Variants in PKP4 observed in about 807,000 individuals in gnomAD.
The protein encoded by PKP4 is plakophilin-4.
A neutral mutation model predicts 145.1 loss-of-function variants in PKP4; 90 were observed. The observed-to-expected ratio is 0.62, with a 90% confidence interval of 0.52 to 0.74. PKP4 has a LOEUF of 0.74. PKP4 is among the 30% of genes least tolerant of loss of function. The pLI is 0.00. For missense variants in PKP4, 1,340 were observed against 1,482.7 expected, an observed-to-expected ratio of 0.90 and a Z score of 1.58; for synonymous variants, 563 against 577.2, an observed-to-expected ratio of 0.98 and a Z score of 0.35.
rs751675720 is a variant in PKP4, at chr2:158,661,381, C to G, written c.2142C>G (p.Cys714Trp). 5.0e-6 allele frequency: 8 copies of G among 1,613,742 alleles called. No homozygotes were observed. The highest frequency in any genetic ancestry group is 1.3e-5 in the African/African-American group (1 of 74,924). ...AAGCTCGGAAGCAAATGCGGTCCTG[C>G]GAGGGGCTGGTAGACTCACTGTTGT... ...GEEARKQMRS[C>W]EGLVDSLLYV... The change falls in exon 13 of 22, where the codon TGC becomes TGG. Residue 714 changes from cysteine to tryptophan, a missense_variant. By Grantham distance (215) the Cys-to-Trp change is radical (BLOSUM62 -2). Transcript: ENST00000389759.
At chr2:158,677,230 G>A in intron 20 of PKP4, 1 of 328,932 alleles carries the variant, frequency 3.0e-6, no homozygotes, top group South Asian at 2.6e-5. Context: ...TCAGCCCAGT[G>A]TCACTTTGCA....
chr2:158,563,142 A>T (rs184318672), intron 2 of PKP4, among the ~76,000 whole-genome samples: 35 of 152,310 alleles, frequency 2.3e-4, no homozygotes, highest in African/African-American at 7.2e-4. Flanking sequence ...CATGAAAATT[A>T]ATTCTTAAAA....
intron 4 of PKP4, among the ~76,000 whole-genome samples, chr2:158,619,027 G>A (rs565303801): frequency 6.6e-6 from 1 of 152,268 alleles, no homozygotes; most frequent in South Asian, 2.1e-4. Context: ...TTTCTTGCTA[G>A]TTCGTATTTG....
chr2:158,565,453 C>G (rs1311845927), intron 2 of PKP4, among the ~76,000 whole-genome samples: 8 of 58,130 alleles, frequency 1.4e-4, no homozygotes, highest in Non-Finnish European at 2.7e-4. Context: ...TTTTTTTTTC[C>G]TTTTCTGCCC....
intron 4 of PKP4, among the ~76,000 whole-genome samples, chr2:158,609,235 T>A (rs956694726): frequency 2.0e-5 from 3 of 152,212 alleles, no homozygotes; most frequent in African/African-American, 7.2e-5. Flanking sequence ...TTGTTTTTTT[T>A]CTTTGCTGCT....
chr2:158,678,915 C>A, intron 21 of PKP4: 2 of 520,034 alleles, frequency 3.8e-6, no homozygotes, highest in Non-Finnish European at 7.0e-6. Context: ...TAGTTCATGT[C>A]TTTTGCCCAG....
intron 7 of PKP4, among the ~76,000 whole-genome samples, chr2:158,627,951 AATT>A (rs2052970255): frequency 6.6e-6 from 1 of 151,388 alleles, no homozygotes; most frequent in Non-Finnish European, 1.5e-5. Context: ...CTTCTGAAAA[AATT>A]ATTTTTTATT....
intron 2 of PKP4, among the ~76,000 whole-genome samples, chr2:158,534,512 G>A (rs572967517): frequency 5.9e-5 from 9 of 152,054 alleles, no homozygotes; most frequent in Non-Finnish European, 1.2e-4. Flanking sequence ...TTATCTTTAG[G>A]AGAGAAAAAA....
chr2:158,526,117 C>T (rs1358104873), intron 1 of PKP4, among the ~76,000 whole-genome samples: 1 of 149,748 alleles, frequency 6.7e-6, no homozygotes, highest in Non-Finnish European at 1.5e-5. Flanking sequence ...AGAGGGAATC[C>T]TCCCTAACTC....
chr2:158,529,357 ACTTT>A (rs2043301810), intron 1 of PKP4, among the ~76,000 whole-genome samples: 1 of 152,148 alleles, frequency 6.6e-6, no homozygotes, highest in Non-Finnish European at 1.5e-5. Flanking sequence ...TTCAGGTCAA[ACTTT>A]CTTTTCTTGT....
At chr2:158,525,802 A>C (rs879780386) in intron 1 of PKP4, among the ~76,000 whole-genome samples, 9,132 of 144,242 alleles carry the variant, frequency 0.063, 576 homozygotes, top group African/African-American at 0.16. Flanking sequence ...TAAAGGGGAT[A>C]TCACCACCGA....
intron 11 of PKP4, among the ~76,000 whole-genome samples, chr2:158,650,038 C>A (rs963347272): frequency 6.6e-6 from 1 of 152,208 alleles, no homozygotes; most frequent in Non-Finnish European, 1.5e-5. Flanking sequence ...TTGGGCAAAT[C>A]TCTATGATAG....
chr2:158,583,420 T>C (rs1275481175), intron 3 of PKP4, among the ~76,000 whole-genome samples: 6 of 152,186 alleles, frequency 3.9e-5, no homozygotes, highest in Admixed American at 3.9e-4. Context: ...GATTGTGGAG[T>C]TAAATGGCAT....
At chr2:158,596,069 A>G (rs1480540765) in intron 3 of PKP4, among the ~76,000 whole-genome samples, 1 of 151,896 alleles carries the variant, frequency 6.6e-6, no homozygotes, top group Non-Finnish European at 1.5e-5. Flanking sequence ...GGAATTGACT[A>G]AAAAGTAGAC....
At chr2:158,609,627 C>G (rs987481319) in intron 4 of PKP4, among the ~76,000 whole-genome samples, 1 of 152,170 alleles carries the variant, frequency 6.6e-6, no homozygotes, top group African/African-American at 2.4e-5. Context: ...TGCTTAGGAG[C>G]GATCCCTGCT....
chr2:158,603,159 A>C, intron 4 of PKP4, 55 bp downstream of exon 4: 1 of 916,228 alleles, frequency 1.1e-6, no homozygotes, highest in Non-Finnish European at 1.7e-6. Flanking sequence ...TACATAGCCT[A>C]CTCTCTTAAC....
At chr2:158,660,076 G>C (rs1053014487) in intron 12 of PKP4, 1 of 152,648 alleles carries the variant, frequency 6.6e-6, no homozygotes, top group Non-Finnish European at 1.5e-5. Flanking sequence ...GCGAGGAAAG[G>C]GGGGAAATAA....
At chr2:158,466,916 T>C (rs547892575) in intron 1 of PKP4, among the ~76,000 whole-genome samples, 38 of 152,278 alleles carry the variant, frequency 2.5e-4, no homozygotes, top group African/African-American at 9.1e-4. Flanking sequence ...ATCAGTAATA[T>C]CTTTGTATAC....
chr2:158,462,377 G>A (rs201315263), intron 1 of PKP4, among the ~76,000 whole-genome samples: 23 of 149,078 alleles, frequency 1.5e-4, no homozygotes, highest in African/African-American at 1.2e-4. Flanking sequence ...TTTTTCTTAA[G>A]AAAAAAAAAA....
Sources: gnomAD v4.1 joint callset for allele counts (sites outside exome capture counted in the v4.1 genomes callset) on GRCh38, gnomAD v4.1.1 for gene constraint, MANE v1.5 for transcripts, NCBI Gene and HGNC (gene_info 2026-07-23, HGNC 2026-07-21) for gene names.